Variants in DOCK8 observed in about 807,000 individuals in gnomAD.
The protein encoded by DOCK8 is dedicator of cytokinesis protein 8.
In DOCK8, 141 loss-of-function variants were observed where a neutral mutation model predicts 245.6. The observed-to-expected ratio is 0.57, with a 90% CI of 0.50 to 0.66. The LOEUF (loss-of-function observed/expected upper bound fraction) is 0.66, where lower values mean the gene tolerates loss of function less well. DOCK8 is among the 30% of genes least tolerant of loss of function. The probability of loss-of-function intolerance (pLI) is 0.00; values close to 1 mark genes in which losing one functional copy is unlikely to be tolerated. For synonymous variants in DOCK8, 1,168 were observed against 970.2 expected (o/e 1.20, Z -3.79); for missense variants, 2,965 against 2,603.4 (o/e 1.14, Z -3.02).
At chr9:272,584 G>A (rs1011207577) in intron 2 of DOCK8, among the ~76,000 whole-genome samples, 10 of 151,990 alleles carry the variant, frequency 6.6e-5, no homozygotes, top group African/African-American at 2.4e-4. Flanking sequence ...CAGGGGTCTC[G>A]CTATGTTGCC....
intron 39 of DOCK8, among the ~76,000 whole-genome samples, 187 bp from the exon 40 acceptor site, chr9:439,055 AGTT>A (rs1285862160): frequency 6.6e-6 from 1 of 152,228 alleles, no homozygotes; most frequent in Admixed American, 6.5e-5. Flanking sequence ...TTTGAAGACC[AGTT>A]GCTCAGTGCG....
chr9:409,746 G>A (rs1372976022), intron 28 of DOCK8, among the ~76,000 whole-genome samples: 2 of 149,600 alleles, frequency 1.3e-5, no homozygotes, highest in Non-Finnish European at 3.0e-5. Flanking sequence ...CCCACCCCAT[G>A]ACAGTCCCCG....
chr9:230,073 G>A (rs2047075248), intron 1 of DOCK8, among the ~76,000 whole-genome samples: 1 of 107,792 alleles, frequency 9.3e-6, no homozygotes, highest in Non-Finnish European at 1.8e-5. Flanking sequence ...CCCCACAACA[G>A]TCCCCGGTGT....
intron 29 of DOCK8, among the ~76,000 whole-genome samples, chr9:417,572 C>T (rs1431349023): frequency 6.6e-6 from 1 of 152,140 alleles, no homozygotes; most frequent in African/African-American, 2.4e-5. Context: ...TTTTTGCTTG[C>T]ATACATCTAG....
intron 27 of DOCK8, 105 bp downstream of exon 27, chr9:405,178 A>C: frequency 1.6e-6 from 2 of 1,213,276 alleles, no homozygotes; most frequent in Middle Eastern, 2.2e-4. Flanking sequence ...TTAATTTGAC[A>C]AAAAATCAAA....
intron 4 of DOCK8, among the ~76,000 whole-genome samples, chr9:300,032 A>AAT (rs2049461182): frequency 6.6e-6 from 1 of 151,954 alleles, no homozygotes; most frequent in Non-Finnish European, 1.5e-5. Context: ...AAAAAAAAAA[A>AAT]AAAGATGGCC....
At chr9:376,870 C>G (rs1454403944) in intron 19 of DOCK8, 107 bp from the exon 20 acceptor site, 1 of 1,013,718 alleles carries the variant, frequency 9.9e-7, no homozygotes, top group Non-Finnish European at 1.5e-6. Context: ...GTCTGAAACG[C>G]TGGATAAGAG....
In DOCK8 at chr9:444,319, T is replaced by C. The variant is rs1281111321; in HGVS notation, c.5580+803T>C. The stretch of plus-strand genomic sequence containing the variant: ...TTTCTATAACCTGTTAGCTTGAAAA[T>C]AGGAGAAAACAAAGCAAATAATAAT... On this transcript the variant is annotated intron_variant, in intron 43 of 47. Transcript: ENST00000432829. Among the ~76,000 whole-genome samples the C allele has an allele frequency of 4.0e-5, 4 of 99,466 alleles. No individual in the cohort carries two copies. In the East Asian group the frequency reaches 1.7e-3, roughly 41 times the overall value. The allele number at this position is 99,466 out of a possible 152,430, so 65.3% of individuals were successfully genotyped here.
At chr9:267,598 G>C (rs1237685873) in intron 1 of DOCK8, among the ~76,000 whole-genome samples, 4 of 152,200 alleles carry the variant, frequency 2.6e-5, no homozygotes, top group African/African-American at 9.7e-5. Flanking sequence ...ACTATGGAAA[G>C]GATTTCTGAT....
Position 379,916 on chromosome 9 carries a change from A to C in DOCK8, c.2586A>C (p.Gln862His). 1 of 1,614,024 alleles carries C rather than the reference A, an allele frequency of 6.2e-7. No homozygotes were observed. Among genetic ancestry groups the C allele is most frequent in the Non-Finnish European group, 8.5e-7 (1 of 1,180,014 alleles). Residue 862 changes from glutamine (Q) to histidine (H), a missense_variant, in exon 21 of 48, where the codon CAA becomes CAC. By Grantham distance (24) the Gln-to-His change is conservative (BLOSUM62 0). Around this residue, in one of 3 missense-constraint regions of DOCK8, gnomAD observed 2,825 missense variants for 2,453.5 expected, o/e 1.15. Transcript: ENST00000432829. Reference sequence around the variant, plus strand: ...ACGTCTTCCGCCTGCCAGAGGTGCAAAGGGATGTGCCCAAGTCAGGTAGAG... The same window carrying C: ...ACGTCTTCCGCCTGCCAGAGGTGCACAGGGATGTGCCCAAGTCAGGTAGAG... ...VHYVFRLPEV[Q>H]RDVPKSGAPT...
chr9:278,013 C>G (rs779531779), intron 2 of DOCK8, among the ~76,000 whole-genome samples: 3 of 152,150 alleles, frequency 2.0e-5, no homozygotes, highest in Admixed American at 6.5e-5. Context: ...CTTCATCTTT[C>G]AAGGGGTTGG....
chr9:242,827 A>G (rs1235012898), intron 1 of DOCK8, among the ~76,000 whole-genome samples: 6 of 147,920 alleles, frequency 4.1e-5, no homozygotes, highest in South Asian at 2.1e-4. Context: ...TTTTTTTTCC[A>G]TATGCCATAA....
intron 22 of DOCK8, among the ~76,000 whole-genome samples, chr9:383,339 C>T (rs1292923249): frequency 6.6e-6 from 1 of 152,120 alleles, no homozygotes; most frequent in Non-Finnish European, 1.5e-5. Context: ...TCGAGACCAG[C>T]CTGGCTGACA....
chr9:415,600 A>G (rs1012046114), intron 29 of DOCK8, among the ~76,000 whole-genome samples: 1 of 152,042 alleles, frequency 6.6e-6, no homozygotes, highest in Non-Finnish European at 1.5e-5. Flanking sequence ...AATCCTCCCA[A>G]ATAGAAGAAC....
chr9:362,000 A>G (rs1489670067), intron 14 of DOCK8, among the ~76,000 whole-genome samples: 1 of 152,204 alleles, frequency 6.6e-6, no homozygotes, highest in Non-Finnish European at 1.5e-5. Flanking sequence ...ACCCAGGAAA[A>G]GCAGCAGCAA....
At chr9:250,870 G>A (rs1178582762) in intron 1 of DOCK8, among the ~76,000 whole-genome samples, 1 of 152,208 alleles carries the variant, frequency 6.6e-6, no homozygotes, top group Non-Finnish European at 1.5e-5. Flanking sequence ...TTTTACAGAA[G>A]GGTGAGGGTG....
intron 30 of DOCK8, 102 bp downstream of exon 30, chr9:418,309 T>A: frequency 6.6e-7 from 1 of 1,516,074 alleles, no homozygotes; most frequent in East Asian, 2.3e-5. Flanking sequence ...TCTCACTCTG[T>A]TGCACAGGCT....
intron 3 of DOCK8, among the ~76,000 whole-genome samples, chr9:288,326 G>A (rs1471846437): frequency 3.9e-5 from 6 of 152,238 alleles, no homozygotes; most frequent in Non-Finnish European, 8.8e-5. Flanking sequence ...CTGTGATGGC[G>A]TGGTAGTGAA....
chr9:325,727 A>G lies in DOCK8; in HGVS notation c.884A>G (p.Glu295Gly), dbSNP rs1192834581. 1 of 1,613,934 alleles carries G rather than the reference A, an allele frequency of 6.2e-7. No homozygotes were observed. The highest frequency in any genetic ancestry group is 8.5e-7 in the Non-Finnish European group (1 of 1,179,808). ...AGCATTGCCCTCTACGATGTTAAAG[A>G]AAGGAAAAAGGTAAGAAAGCAAAGA... ...FASIALYDVK[E>G]RKKISENFHC... Residue 295 changes from glutamate to glycine, a missense_variant, in exon 8 of 48, where the codon GAA becomes GGA. Glu to Gly is a moderately conservative substitution (Grantham distance 98). This residue lies in a region of DOCK8 where 2,825 missense variants were observed against 2,453.5 expected (regional missense o/e 1.15). Transcript: ENST00000432829.
Sources: gnomAD v4.1 joint callset for allele counts (sites outside exome capture counted in the v4.1 genomes callset) on GRCh38, gnomAD v4.1.1 for gene constraint, gnomAD v4.1.1 regional missense constraint, MANE v1.5 for transcripts, NCBI Gene and HGNC (gene_info 2026-07-23, HGNC 2026-07-21) for gene names.